The following IPCEF1 variants were observed in gnomAD, a reference collection of about 807,000 sequenced individuals.
IPCEF1 encodes interactor protein for cytohesin exchange factors 1.
In IPCEF1, 31 loss-of-function variants were observed where a neutral mutation model predicts 50.9. That is an observed-to-expected ratio of 0.61 (90% CI 0.46 to 0.82). The LOEUF is 0.82. Ranked by LOEUF, IPCEF1 falls within the 40% of genes least tolerant of loss-of-function variation. IPCEF1 has a pLI of 0.00. For synonymous variants in IPCEF1, 181 were observed against 192.0 expected (o/e 0.94, Z 0.47); for missense variants, 458 against 514.0 (o/e 0.89, Z 1.05).
At chr6:154,207,020 C>T (rs6557339) in intron 9 of IPCEF1, among the ~76,000 whole-genome samples, 106,395 of 152,102 alleles carry the variant, frequency 0.7, 37,655 homozygotes, top group East Asian at 0.9. Flanking sequence ...TGATCAGAAC[C>T]GCATCTTAGG....
intron 5 of IPCEF1, among the ~76,000 whole-genome samples, chr6:154,240,103 C>T (rs902586519): frequency 3.9e-5 from 6 of 152,164 alleles, no homozygotes; most frequent in African/African-American, 7.2e-5. Context: ...ATTAAAAGCC[C>T]ATAATTCTCA....
At chr6:154,302,393 C>G (rs145733568) in intron 1 of IPCEF1, among the ~76,000 whole-genome samples, 92 of 152,286 alleles carry the variant, frequency 6.0e-4, no homozygotes, top group African/African-American at 2.2e-3. Flanking sequence ...AGTCTGGACA[C>G]ATATGGAAAT....
chr6:154,185,985 GT>G (rs1350151802), intron 10 of IPCEF1, among the ~76,000 whole-genome samples: 1 of 152,200 alleles, frequency 6.6e-6, no homozygotes, highest in Non-Finnish European at 1.5e-5. Context: ...CTTAACAGGG[GT>G]TATTGCTTGT....
chr6:154,242,028 T>C (rs1260942388), intron 5 of IPCEF1, among the ~76,000 whole-genome samples: 1 of 152,240 alleles, frequency 6.6e-6, no homozygotes, highest in Non-Finnish European at 1.5e-5. Flanking sequence ...TTAAATTCCC[T>C]GAGCTTCAGT....
intron 2 of IPCEF1, among the ~76,000 whole-genome samples, chr6:154,275,106 A>G (rs1458806678): frequency 6.6e-6 from 1 of 152,162 alleles, no homozygotes; most frequent in African/African-American, 2.4e-5. Context: ...ATGCAGATAA[A>G]ACACACCATC....
chr6:154,227,208 C>T (rs1380704324), intron 5 of IPCEF1, among the ~76,000 whole-genome samples: 2 of 150,570 alleles, frequency 1.3e-5, no homozygotes, highest in Non-Finnish European at 3.0e-5. Context: ...TGTCTCAAAA[C>T]AAACAAACAA....
intron 3 of IPCEF1, 178 bp from the exon 4 acceptor site, chr6:154,247,666 T>G (rs1781170223): frequency 3.8e-6 from 2 of 522,816 alleles, no homozygotes; most frequent in Non-Finnish European, 6.9e-6. Flanking sequence ...CTAATTAGAA[T>G]CAATATACAT....
intron 3 of IPCEF1, among the ~76,000 whole-genome samples, chr6:154,260,704 C>A (rs904142871): frequency 6.6e-6 from 1 of 152,132 alleles, no homozygotes; most frequent in Non-Finnish European, 1.5e-5. Flanking sequence ...ATCTCCTGAC[C>A]TCGTGATCCA....
At chr6:154,271,030 G>C (rs1781889761) in intron 2 of IPCEF1, among the ~76,000 whole-genome samples, 1 of 151,858 alleles carries the variant, frequency 6.6e-6, no homozygotes, top group East Asian at 1.9e-4. Flanking sequence ...TTAAATGTAT[G>C]ATAGAATTAT....
intron 10 of IPCEF1, among the ~76,000 whole-genome samples, chr6:154,184,930 CA>C (rs1201034083): frequency 6.6e-6 from 1 of 151,878 alleles, no homozygotes; most frequent in Non-Finnish European, 1.5e-5. Flanking sequence ...TCACAAGAAA[CA>C]AACATATTTC....
intron 9 of IPCEF1, 64 bp downstream of exon 9, chr6:154,212,706 A>T (rs1257054106): frequency 6.4e-6 from 7 of 1,101,774 alleles, no homozygotes; most frequent in Non-Finnish European, 9.6e-6. Flanking sequence ...TTCCTATTCA[A>T]TTGGAAGAAA....
intron 3 of IPCEF1, 133 bp downstream of exon 3, chr6:154,265,779 T>G: frequency 3.0e-6 from 2 of 665,774 alleles, no homozygotes; most frequent in South Asian, 3.9e-5. Context: ...CTAGCAACAG[T>G]GTCTTTGGTT....
intron 1 of IPCEF1, among the ~76,000 whole-genome samples, chr6:154,324,873 T>G (rs1783481823): frequency 9.1e-6 from 1 of 109,956 alleles, no homozygotes; most frequent in African/African-American, 2.9e-5. Context: ...CTACATAAAA[T>G]ACGTTTGAGG....
intron 1 of IPCEF1, among the ~76,000 whole-genome samples, chr6:154,331,365 AGAAAG>A (rs1470769929): frequency 2.3e-5 from 3 of 130,734 alleles, no homozygotes; most frequent in Non-Finnish European, 4.9e-5. Flanking sequence ...AGAGAAAGAA[AGAAAG>A]GAAAGAAAGA....
chr6:154,313,246 G>C (rs1021122148), intron 1 of IPCEF1, among the ~76,000 whole-genome samples: 1 of 151,528 alleles, frequency 6.6e-6, no homozygotes, highest in Non-Finnish European at 1.5e-5. Flanking sequence ...GTAGTGGTGG[G>C]TGCCTGTAAT....
chr6:154,226,989 G>A lies in IPCEF1; in HGVS notation c.247-3746C>T, dbSNP rs557616415. On this transcript the variant is annotated intron_variant, in intron 5 of 11. Transcript: ENST00000367220. The stretch of plus-strand genomic sequence containing the variant: ...AGGTGGGCGGATCACCTGAGGTTAG[G>A]AGTTTGAGACTAGCCTGGCCAACAT... 3.3e-5 allele frequency among the ~76,000 whole-genome samples: 5 copies of A among 152,120 alleles called. No homozygotes were observed. The East Asian group carries it at 9.7e-4, about 30-fold the overall frequency.
chr6:154,290,510 T>C (rs1782486938), intron 1 of IPCEF1, among the ~76,000 whole-genome samples: 2 of 152,170 alleles, frequency 1.3e-5, no homozygotes, highest in South Asian at 2.1e-4. Context: ...CTCTCACTCC[T>C]CAAAAACTTG....
At chr6:154,270,574 T>C (rs994529887) in intron 2 of IPCEF1, among the ~76,000 whole-genome samples, 2 of 152,256 alleles carry the variant, frequency 1.3e-5, no homozygotes, top group Non-Finnish European at 2.9e-5. Flanking sequence ...ATCATATTAA[T>C]GCTTGTTAAA....
intron 11 of IPCEF1, among the ~76,000 whole-genome samples, chr6:154,163,521 A>C (rs187408581): frequency 6.6e-6 from 1 of 152,274 alleles, no homozygotes; most frequent in African/African-American, 2.4e-5. Flanking sequence ...TTTAATAGTC[A>C]ATTATGTTTG....
Sources: allele counts gnomAD v4.1 joint callset (sites outside exome capture counted in the v4.1 genomes callset), GRCh38; gene constraint gnomAD v4.1.1; transcripts MANE v1.5; gene names NCBI Gene and HGNC (gene_info 2026-07-23, HGNC 2026-07-21).